CSTPP1: variants seen among roughly 807,000 people sequenced by gnomAD.
CSTPP1 encodes the protein UPF0705 protein C11orf49.
the CSTPP1 span, among the ~76,000 whole-genome samples, chr11:47,136,216 A>G: frequency 6.6e-6 from 1 of 152,140 alleles, no homozygotes; most frequent in Non-Finnish European, 1.5e-5. Flanking sequence ...TTTTCTCTAC[A>G]TGGGGAGTTC....
chr11:47,084,763 G>A, the CSTPP1 span, among the ~76,000 whole-genome samples: 3,302 of 152,232 alleles, frequency 0.022, 74 homozygotes, highest in South Asian at 0.12. Flanking sequence ...ATCTAAGGTA[G>A]TGTATGCCCT....
the CSTPP1 span, among the ~76,000 whole-genome samples, chr11:47,103,115 C>T: frequency 1.3e-5 from 2 of 151,780 alleles, no homozygotes; most frequent in Non-Finnish European, 2.9e-5. Flanking sequence ...TGTACAGCAT[C>T]GGCAGGGTGT....
At chr11:47,027,927 C>CTTTTT in the CSTPP1 span, among the ~76,000 whole-genome samples, 2 of 134,078 alleles carry the variant, frequency 1.5e-5, no homozygotes, top group African/African-American at 2.8e-5. Flanking sequence ...TTTTTTTTTT[C>CTTTTT]TTTTTTTTTT....
chr11:47,130,123 G>C, the CSTPP1 span, among the ~76,000 whole-genome samples: 1 of 152,060 alleles, frequency 6.6e-6, no homozygotes, highest in East Asian at 1.9e-4. Flanking sequence ...CAGGCATGGT[G>C]GCAGACACCT....
chr11:46,977,404 C>A, the CSTPP1 span, among the ~76,000 whole-genome samples: 2 of 152,190 alleles, frequency 1.3e-5, no homozygotes, highest in African/African-American at 4.8e-5. Flanking sequence ...TTTAAAAGAC[C>A]TGCTGACTCC....
chr11:46,955,456 C>T, the CSTPP1 span, among the ~76,000 whole-genome samples: 1 of 151,686 alleles, frequency 6.6e-6, no homozygotes. Context: ...CTCCGCCTTC[C>T]AGGTTAAAGC....
chr11:46,975,360 A>G, the CSTPP1 span, among the ~76,000 whole-genome samples: 2 of 152,212 alleles, frequency 1.3e-5, no homozygotes, highest in African/African-American at 4.8e-5. Context: ...AATTCTGGAG[A>G]CATTTTTTAA....
At chr11:47,084,958 G>A in the CSTPP1 span, among the ~76,000 whole-genome samples, 2 of 152,114 alleles carry the variant, frequency 1.3e-5, no homozygotes, top group Non-Finnish European at 1.5e-5. Context: ...GCCAAGGTGG[G>A]CAGATCACCT....
the CSTPP1 span, among the ~76,000 whole-genome samples, chr11:47,069,135 C>T: frequency 1.3e-5 from 2 of 152,140 alleles, no homozygotes; most frequent in Non-Finnish European, 2.9e-5. Context: ...ATAGAAACTT[C>T]TAAGTGCCTC....
At chr11:47,163,973 C>A in the CSTPP1 span, 1 of 1,197,582 alleles carries the variant, frequency 8.4e-7, no homozygotes, top group Non-Finnish European at 1.2e-6. Context: ...TCCACTGAAA[C>A]CCATCCCCAG....
the CSTPP1 span, among the ~76,000 whole-genome samples, chr11:47,111,461 C>T: frequency 3.9e-5 from 6 of 152,090 alleles, no homozygotes; most frequent in Non-Finnish European, 5.9e-5. Flanking sequence ...GAATGAGTTT[C>T]GACTGCTGTA....
the CSTPP1 span, among the ~76,000 whole-genome samples, chr11:47,100,398 C>G: frequency 6.6e-6 from 1 of 152,122 alleles, no homozygotes. Flanking sequence ...GCCCTTTAAC[C>G]CATCATCAGC....
the CSTPP1 span, among the ~76,000 whole-genome samples, chr11:47,043,817 C>T: frequency 6.6e-6 from 1 of 152,014 alleles, no homozygotes; most frequent in Non-Finnish European, 1.5e-5. Context: ...CATGGCGAAA[C>T]CCTGTCTCTA....
chr11:47,058,205 G>T, the CSTPP1 span, among the ~76,000 whole-genome samples: 8 of 152,274 alleles, frequency 5.3e-5, no homozygotes, highest in Admixed American at 4.6e-4. Context: ...TGTGACACCT[G>T]TGGTCCCAGC....
chr11:47,122,084 AAAAAAAAATATAT>A, the CSTPP1 span, among the ~76,000 whole-genome samples: 1 of 105,126 alleles, frequency 9.5e-6, no homozygotes, highest in Admixed American at 1.0e-4. Flanking sequence ...AAAAAAAAAA[AAAAAAAAATATAT>A]ATATATATAT....
the CSTPP1 span, among the ~76,000 whole-genome samples, chr11:47,065,754 A>T: frequency 0.026 from 3,916 of 151,108 alleles, 174 homozygotes; most frequent in African/African-American, 0.086. Context: ...TATTATTATT[A>T]TTTTTTTGAG....
chr11:47,127,187 G>A, the CSTPP1 span, among the ~76,000 whole-genome samples: 1 of 152,042 alleles, frequency 6.6e-6, no homozygotes, highest in Non-Finnish European at 1.5e-5. Context: ...CCACTTATGC[G>A]GCAATTTTGT....
chr11:46,959,446 C>G, the CSTPP1 span, among the ~76,000 whole-genome samples: 1 of 152,250 alleles, frequency 6.6e-6, no homozygotes, highest in East Asian at 1.9e-4. Flanking sequence ...TTCAACTTCT[C>G]AATAGAGAAT....
At chr11:47,153,293 G>T in the CSTPP1 span, among the ~76,000 whole-genome samples, 512 of 152,258 alleles carry the variant, frequency 3.4e-3, no homozygotes, top group African/African-American at 0.012. Context: ...GGCCCTCAGC[G>T]GCACTGCTTC....
Sources: gnomAD v4.1 joint callset for allele counts (sites outside exome capture counted in the v4.1 genomes callset) on GRCh38, gnomAD v4.1.1 for gene constraint, MANE v1.5 for transcripts, NCBI Gene and HGNC (gene_info 2026-07-23, HGNC 2026-07-21) for gene names.